The following C7orf57 variants were observed in gnomAD, a reference collection of about 807,000 sequenced individuals.
C7orf57 encodes the protein uncharacterized protein C7orf57.
Under a neutral mutation model 39.0 loss-of-function variants are expected in C7orf57, and 33 were observed. The ratio of observed to expected loss-of-function variants is 0.85; its 90% confidence interval spans 0.64 to 1.13. The LOEUF is 1.13. C7orf57 is among the 50% of genes most tolerant of loss of function. The probability of loss-of-function intolerance (pLI) is 0.00; values close to 1 mark genes in which losing one functional copy is unlikely to be tolerated. For missense variants in C7orf57, 346 were observed against 362.3 expected (o/e 0.95, Z 0.37); for synonymous variants, 124 against 137.1 (o/e 0.90, Z 0.67).
At position 48,043,401 on chromosome 7, in the gene C7orf57, T is replaced by C; in HGVS notation, c.242-80T>C. ...GGAGACCTACAGTTCGCCTTGTAAA[T>C]TGAGCCTATCACTGGCAATGCTGTG... is the stretch of plus-strand genomic sequence containing the variant. On this transcript the variant is annotated intron_variant, in intron 3 of 8. Transcript: ENST00000348904. The C allele has an allele frequency of 6.6e-6, 7 of 1,056,040 alleles. No individual in the cohort carries two copies. The South Asian group carries it at 8.3e-5, about 13-fold the overall frequency. The allele number at this position is 1,056,040 out of a possible 1,614,324, so 65.4% of individuals were successfully genotyped here. A position where few individuals can be genotyped will look rare whatever the true frequency, so the allele number is the denominator to read the frequency against.
rs532742253 is a variant in C7orf57, at chr7:48,037,356, CA to C, written c.55+995del. 1.2e-4 allele frequency among the ~76,000 whole-genome samples: 19 copies of C among 152,296 alleles called. No individual in the cohort carries two copies. The East Asian group carries it at 3.7e-3, about 29-fold the overall frequency. ...TACACTAACTCATTTAACCTCATAACAATGCTACAAGGTAACATTACCCCCA... is the reference window on the plus strand; with the variant it reads ...TACACTAACTCATTTAACCTCATAACATGCTACAAGGTAACATTACCCCCA... On this transcript the variant is annotated intron_variant, in intron 2 of 8. Coordinates refer to ENST00000348904, the MANE Select transcript of C7orf57 (RefSeq NM_001100159.3).
At chr7:48,036,906 G>A (rs1027039536) in intron 2 of C7orf57, among the ~76,000 whole-genome samples, 1 of 151,540 alleles carries the variant, frequency 6.6e-6, no homozygotes, top group African/African-American at 2.4e-5. Flanking sequence ...GAAGGAAGAA[G>A]AAGTCTTGAG....
chr7:48,058,886 T>C (rs191487287), intron 8 of C7orf57, among the ~76,000 whole-genome samples: 270 of 152,368 alleles, frequency 1.8e-3, no homozygotes, highest in Middle Eastern at 0.017. Flanking sequence ...GTATAAACTT[T>C]ATATTGCAGG....
chr7:48,051,906 TTTCTTTTCTC>T (rs1790959341), intron 6 of C7orf57, among the ~76,000 whole-genome samples: 1 of 108,826 alleles, frequency 9.2e-6, no homozygotes, highest in Admixed American at 9.7e-5. Context: ...CTTCCTTCCT[TTTCTTTTCTC>T]TTCTCTTTCT....
chr7:48,052,873 C>T lies in C7orf57; in HGVS notation c.779C>T (p.Ala260Val), dbSNP rs749723211. The change falls in exon 7 of 9, where the codon GCA becomes GTA. Residue 260 changes from alanine (A) to valine (V), a missense_variant. By Grantham distance (64) the Ala-to-Val change is moderately conservative. Coordinates refer to ENST00000348904, the MANE Select transcript of C7orf57 (RefSeq NM_001100159.3). ...CGAGACCTGGAAGGTCCCCAGGATG[C>T]AGCCAGGCTCCAGGATGCAGAGGCT... is the stretch of plus-strand genomic sequence containing the variant. The part of the protein sequence containing the change: ...SPRDLEGPQD[A>V]ARLQDAEASE... 2 of 1,614,000 alleles carry T rather than the reference C, an allele frequency of 1.2e-6. No homozygotes were observed. The highest frequency in any genetic ancestry group is 4.5e-5 in the East Asian group (2 of 44,874).
intron 8 of C7orf57, among the ~76,000 whole-genome samples, chr7:48,056,664 A>G (rs944583376): frequency 6.6e-6 from 1 of 152,170 alleles, no homozygotes; most frequent in African/African-American, 2.4e-5. Context: ...TAAGTATGCA[A>G]ATATTTCAAA....
intron 2 of C7orf57, among the ~76,000 whole-genome samples, chr7:48,039,434 T>A (rs536952078): frequency 6.6e-6 from 1 of 152,076 alleles, no homozygotes; most frequent in African/African-American, 2.4e-5. Flanking sequence ...CATTATGGCC[T>A]GAACTAATTT....
chr7:48,043,285 A>G (rs181253163), intron 3 of C7orf57, among the ~76,000 whole-genome samples, 196 bp from the exon 4 acceptor site: 42 of 152,300 alleles, frequency 2.8e-4, no homozygotes, highest in African/African-American at 9.9e-4. Context: ...CTGCCTGAGC[A>G]CAAAGCAGGA....
At chr7:48,048,085 G>C (rs1312442032) in intron 5 of C7orf57, among the ~76,000 whole-genome samples, 1 of 152,208 alleles carries the variant, frequency 6.6e-6, no homozygotes, top group East Asian at 1.9e-4. Flanking sequence ...TGTGCTAGGG[G>C]CTACACAAAG....
intron 5 of C7orf57, among the ~76,000 whole-genome samples, chr7:48,048,622 C>T (rs181824420): frequency 1.3e-5 from 2 of 152,064 alleles, no homozygotes; most frequent in African/African-American, 4.8e-5. Context: ...CGAAACCCAC[C>T]TTTTATAGAG....
At chr7:48,051,796 TTCCTTCCTTCCTTTTCTCTTC>T (rs1391804174) in intron 6 of C7orf57, among the ~76,000 whole-genome samples, 1,183 of 100,194 alleles carry the variant, frequency 0.012, 33 homozygotes, top group South Asian at 0.022. Context: ...CTTTCTTTCT[TTCCTTCCTTCCTTTTCTCTTC>T]TCTTTCTTTC....
At chr7:48,040,271 C>T (rs533868920) in intron 2 of C7orf57, among the ~76,000 whole-genome samples, 1 of 152,346 alleles carries the variant, frequency 6.6e-6, no homozygotes, top group Non-Finnish European at 1.5e-5. Flanking sequence ...TCTGCATGGG[C>T]TCCAATCAAG....
chr7:48,057,892 CT>C (rs1337486074), intron 8 of C7orf57, among the ~76,000 whole-genome samples: 1 of 151,972 alleles, frequency 6.6e-6, no homozygotes, highest in African/African-American at 2.4e-5. Context: ...GGTTTTTGTC[CT>C]TCATTCTATT....
At chr7:48,048,315 C>A (rs1051474846) in intron 5 of C7orf57, among the ~76,000 whole-genome samples, 1 of 152,158 alleles carries the variant, frequency 6.6e-6, no homozygotes, top group Non-Finnish European at 1.5e-5. Context: ...ACATCATGGG[C>A]GTGGGCCAGC....
At position 48,035,769 on chromosome 7, in the gene C7orf57, C is replaced by CACAG; in HGVS notation, c.-102+140_-102+143dup. On this transcript the variant is annotated intron_variant, in intron 1 of 8. Coordinates refer to ENST00000348904, the MANE Select transcript of C7orf57 (RefSeq NM_001100159.3). This position sits in a 1 kb window ranked among gnomAD's most constrained non-coding sequence, Gnocchi z 4.0. ...CACCTTGTCGCCGGGTTGGGATGAGCACAGGGCGGGATCTCCAAGCCTGCC... is the reference window on the plus strand; with the variant it reads ...CACCTTGTCGCCGGGTTGGGATGAGCACAGACAGGGCGGGATCTCCAAGCCTGCC... 3.4e-6 allele frequency: 2 copies of CACAG among 584,320 alleles called. No individual in the cohort carries two copies. The highest frequency in any genetic ancestry group is 6.1e-6 in the Non-Finnish European group (2 of 330,210). The allele number at this position is 584,320 out of a possible 1,614,324, so 36.2% of individuals were successfully genotyped here. A position where few individuals can be genotyped will look rare whatever the true frequency, so the allele number is the denominator to read the frequency against.
chr7:48,047,224 G>C (rs1790743728), intron 5 of C7orf57, among the ~76,000 whole-genome samples: 1 of 152,212 alleles, frequency 6.6e-6, no homozygotes, highest in South Asian at 2.1e-4. Flanking sequence ...GAAGGAACAA[G>C]AGCCAGGCCT....
intron 8 of C7orf57, 46 bp downstream of exon 8, chr7:48,054,652 C>T (rs1169105344): frequency 3.3e-6 from 5 of 1,512,148 alleles, no homozygotes; most frequent in Non-Finnish European, 4.5e-6. Context: ...AAAAGTCTTA[C>T]ACAAAGAAAT....
rs1562631182 is a variant in C7orf57, at chr7:48,052,806, A to AC, written c.716dup (p.Lys240GlufsTer31). 1.2e-6 allele frequency: 2 copies of AC among 1,613,944 alleles called. No individual in the cohort carries two copies. The highest frequency in any genetic ancestry group is 2.2e-5 in the East Asian group (1 of 44,874). On this transcript the variant is annotated frameshift_variant, in exon 7 of 9. Transcript: ENST00000348904. LOFTEE classifies it high-confidence loss of function. The stretch of plus-strand genomic sequence containing the variant: ...GCAGCGAGCTGACTCAGACAAGAGG[A>AC]CCCCGAAGACCTCCAGGGCATCAGT...
At chr7:48,051,962 T>TC (rs1790964195) in intron 6 of C7orf57, among the ~76,000 whole-genome samples, 1 of 142,058 alleles carries the variant, frequency 7.0e-6, no homozygotes, top group African/African-American at 2.7e-5. Flanking sequence ...CTTTTTTTTT[T>TC]CTCTCTCTCT....
Sources: allele counts gnomAD v4.1 joint callset (sites outside exome capture counted in the v4.1 genomes callset), GRCh38; gene constraint gnomAD v4.1.1; non-coding constraint Gnocchi (gnomAD v3.1); transcripts MANE v1.5; gene names NCBI Gene and HGNC (gene_info 2026-07-23, HGNC 2026-07-21).